XRCC1: variants seen among roughly 807,000 people sequenced by gnomAD.
XRCC1 encodes the protein X-ray repair cross complementing 1, also known as DNA repair protein XRCC1.
XRCC1 carries 52 observed loss-of-function variants against 83.3 expected under a neutral mutation model. That is an observed-to-expected ratio of 0.62 (90% confidence interval 0.50 to 0.79). The LOEUF (loss-of-function observed/expected upper bound fraction) is 0.79, where lower values mean the gene tolerates loss of function less well. Ranked by LOEUF, XRCC1 falls within the 30% of genes least tolerant of loss-of-function variation. The pLI is 0.00. For missense variants in XRCC1, 793 were observed against 823.5 expected, an observed-to-expected ratio of 0.96 and a Z score of 0.45; for synonymous variants, 281 against 312.6, an observed-to-expected ratio of 0.90 and a Z score of 1.07.
chr19:43,558,836 T>A (rs966384297), intron 3 of XRCC1, among the ~76,000 whole-genome samples: 2 of 151,932 alleles, frequency 1.3e-5, no homozygotes, highest in African/African-American at 2.4e-5. Flanking sequence ...AGTCTTTTTT[T>A]TTTTTTCAAA....
In XRCC1 at chr19:43,546,028, C is replaced by A. The variant is rs749463030; in HGVS notation, c.1481+24G>T. 56 of 1,613,766 alleles carry A rather than the reference C, an allele frequency of 3.5e-5. No homozygotes were observed. The African/African-American group carries it at 6.5e-4, about 19-fold the overall frequency. ...CCCCTACACCCAAGGCCAGGGACAC[C>A]CCAACCCCCAGCCCCAGCCCTACCT... On this transcript the variant is annotated intron_variant, in intron 13 of 16. Coordinates refer to ENST00000262887, the MANE Select transcript of XRCC1 (RefSeq NM_006297.3).
intron 3 of XRCC1, among the ~76,000 whole-genome samples, chr19:43,559,207 GGT>G (rs1266831749): frequency 1.3e-5 from 2 of 151,630 alleles, no homozygotes; most frequent in Non-Finnish European, 2.9e-5. Context: ...AAAAGGGCCG[GGT>G]GCGGTGGCTC....
chr19:43,564,138 C>T (rs1271294090), intron 2 of XRCC1, among the ~76,000 whole-genome samples: 1 of 152,122 alleles, frequency 6.6e-6, no homozygotes, highest in African/African-American at 2.4e-5. Context: ...AATAACATAC[C>T]AAGTGCCTGG....
chr19:43,548,065 CG>C (rs896502060), intron 10 of XRCC1, among the ~76,000 whole-genome samples: 2 of 17,668 alleles, frequency 1.1e-4, no homozygotes, highest in Non-Finnish European at 2.3e-4. Flanking sequence ...GCCGCCCCGT[CG>C]GGGGGGAGGT....
intron 15 of XRCC1, 150 bp downstream of exon 15, chr19:43,543,994 G>A (rs946420352): frequency 1.3e-5 from 10 of 784,846 alleles, no homozygotes; most frequent in Middle Eastern, 3.7e-4. Flanking sequence ...GCTAGCATTC[G>A]GATTCCATGA....
intron 10 of XRCC1, 87 bp from the exon 11 acceptor site, chr19:43,547,064 A>C (rs1972520443): frequency 2.3e-6 from 3 of 1,287,750 alleles, no homozygotes; most frequent in Admixed American, 1.8e-5. Flanking sequence ...CATTTACTAA[A>C]ATACTCACTC....
In XRCC1 at chr19:43,574,903, G is replaced by A. The variant is rs377069941; in HGVS notation, c.144+7C>T. 10 of 1,612,528 alleles carry A rather than the reference G, an allele frequency of 6.2e-6. No individual in the cohort carries two copies. The highest frequency in any genetic ancestry group is 2.5e-6 in the Non-Finnish European group (3 of 1,178,702). On this transcript the variant is annotated splice_region_variant and intron_variant, in intron 2 of 16. Transcript: ENST00000262887. ...CTAGTGAGGAGGAGGTGGGGTGGCAGGATCACCTGTAGGACCACAGAGATG... is the reference window on the plus strand; with the variant it reads ...CTAGTGAGGAGGAGGTGGGGTGGCAAGATCACCTGTAGGACCACAGAGATG...
intron 2 of XRCC1, among the ~76,000 whole-genome samples, chr19:43,565,094 TG>T (rs1378374860): frequency 1.3e-5 from 2 of 152,244 alleles, no homozygotes; most frequent in Middle Eastern, 3.4e-3. Context: ...ATAAGGCCTC[TG>T]GGGGTTACGT....
chr19:43,569,475 C>CCA (rs1972786625), intron 2 of XRCC1, among the ~76,000 whole-genome samples: 1 of 129,790 alleles, frequency 7.7e-6, no homozygotes. Context: ...GACCCTGTCT[C>CCA]AAAAAAAAAA....
chr19:43,562,145 CA>C (rs1203247615), intron 2 of XRCC1, among the ~76,000 whole-genome samples: 1,702 of 42,198 alleles, frequency 0.04, 11 homozygotes, highest in Middle Eastern at 0.19. Context: ...GACTCTGTCA[CA>C]AAAAAAAAAA....
chr19:43,575,446 G>C lies in XRCC1; in HGVS notation c.13C>G (p.Arg5Gly). 6.2e-7 allele frequency: 1 copy of C among 1,612,168 alleles called. No homozygotes were observed. Among genetic ancestry groups the C allele is most frequent in the Non-Finnish European group, 8.5e-7 (1 of 1,178,664 alleles). Residue 5 changes from arginine (R) to glycine (G), a missense_variant, in exon 1 of 17, where the codon CGC becomes GGC. Arg to Gly is a moderately radical substitution (Grantham distance 125). Transcript: ENST00000262887. MPEIRLRHVVSCSSQ... is the reference protein window; with the variant it reads MPEIGLRHVVSCSSQ... Reference sequence around the variant, plus strand: ...CTGCAGGACACGACATGGCGGAGGCGGATCTCCGGCATGTCAACGTCGTGG... The same window carrying C: ...CTGCAGGACACGACATGGCGGAGGCCGATCTCCGGCATGTCAACGTCGTGG...
chr19:43,548,416 T>C (rs1972540300), intron 10 of XRCC1, among the ~76,000 whole-genome samples: 1 of 152,246 alleles, frequency 6.6e-6, no homozygotes, highest in Non-Finnish European at 1.5e-5. Context: ...GACTTCATTT[T>C]GTTCTGTACT....
intron 2 of XRCC1, among the ~76,000 whole-genome samples, chr19:43,566,444 A>T (rs554703428): frequency 6.7e-6 from 1 of 148,384 alleles, no homozygotes; most frequent in East Asian, 2.0e-4. Context: ...GAGGCAGAGA[A>T]TTGCTTGAAC....
chr19:43,546,093 A>G lies in XRCC1; in HGVS notation c.1440T>C (p.Asn480=), dbSNP rs746762649. 2 of 1,611,882 alleles carry G rather than the reference A, an allele frequency of 1.2e-6. No individual in the cohort carries two copies. Among genetic ancestry groups the G allele is most frequent in the Non-Finnish European group, 1.7e-6 (2 of 1,179,550 alleles). Residue 480 remains asparagine (N), a synonymous_variant, in exon 13 of 17, where the codon AAT becomes AAC. Coordinates refer to ENST00000262887, the MANE Select transcript of XRCC1 (RefSeq NM_006297.3). The part of the protein sequence containing the change: ...IEGVQSEGQD[N]GAEDSGDTED... ...CTGTGTCCCCAGAATCTTCCGCCCC[A>G]TTGTCCTGTCCTTCTGCAAGTAGAA...
chr19:43,565,542 G>A (rs1417876732), intron 2 of XRCC1, among the ~76,000 whole-genome samples: 1 of 152,226 alleles, frequency 6.6e-6, no homozygotes, highest in Non-Finnish European at 1.5e-5. Context: ...CCTAAATGTG[G>A]TAGGATGGAG....
chr19:43,552,226 T>G lies in XRCC1; in HGVS notation c.873A>C (p.Ala291=). Residue 291 remains alanine (A), a synonymous_variant, in exon 9 of 17, where the codon GCA becomes GCC. Coordinates refer to ENST00000262887, the MANE Select transcript of XRCC1 (RefSeq NM_006297.3). The part of the protein sequence containing the change: ...TPATAPVPAR[A]QGAVTGKPRG... ...GGGGTTTGCCTGTCACTGCCCCCTG[T>G]GCTCGGGCAGGGACTGGGGCTGTGG... 1 of 1,613,412 alleles carries G rather than the reference T, an allele frequency of 6.2e-7. No individual in the cohort carries two copies.
In XRCC1 at chr19:43,545,825, C is replaced by T. The variant is rs147480146; in HGVS notation, c.1614G>A (p.Glu538=). 1.2e-6 allele frequency: 2 copies of T among 1,613,698 alleles called. No homozygotes were observed. Among genetic ancestry groups the T allele is most frequent in the Admixed American group, 1.7e-5 (1 of 59,974 alleles). Residue 538 remains glutamate (E), a synonymous_variant, in exon 14 of 17, where the codon GAG becomes GAA. Coordinates refer to ENST00000262887, the MANE Select transcript of XRCC1 (RefSeq NM_006297.3). The part of the protein sequence containing the change: ...HQEPPDLPVP[E]LPDFFQGKHF... ...GATGGGGGGATTTCCCACCTGGGAG[C>T]TCAGGGACTGGCAGATCAGGAGGCT...
At chr19:43,574,774 C>T (rs1972837535) in intron 2 of XRCC1, 136 bp downstream of exon 2, 2 of 688,756 alleles carry the variant, frequency 2.9e-6, no homozygotes, top group Non-Finnish European at 2.6e-6. Flanking sequence ...AGGGATTATG[C>T]TGCCCATTTT....
At chr19:43,559,192 T>A (rs1310266598) in intron 3 of XRCC1, among the ~76,000 whole-genome samples, 1 of 150,666 alleles carries the variant, frequency 6.6e-6, no homozygotes, top group Non-Finnish European at 1.5e-5. Flanking sequence ...ATAAAAAAGA[T>A]ACAGAAAAGG....
Sources: allele counts gnomAD v4.1 joint callset (sites outside exome capture counted in the v4.1 genomes callset), GRCh38; gene constraint gnomAD v4.1.1; transcripts MANE v1.5; gene names NCBI Gene and HGNC (gene_info 2026-07-23, HGNC 2026-07-21).